PTPRO: variants seen among roughly 807,000 people sequenced by gnomAD.
PTPRO encodes the protein protein tyrosine phosphatase receptor type O.
A neutral mutation model predicts 145.2 loss-of-function variants in PTPRO; 62 were observed. That is an observed-to-expected ratio of 0.43 (90% confidence interval 0.35 to 0.53). PTPRO has a LOEUF of 0.53. Among genes scored for constraint, PTPRO ranks in the 20% least tolerant of loss-of-function variants. PTPRO has a pLI of 0.01. For synonymous variants in PTPRO, 565 were observed against 514.7 expected (o/e 1.10, Z -1.32); for missense variants, 1,345 against 1,482.7 (o/e 0.91, Z 1.53).
At chr12:15,544,506 CAAAA>C (rs61249816) in intron 12 of PTPRO, among the ~76,000 whole-genome samples, 1 of 73,236 alleles carries the variant, frequency 1.4e-5, no homozygotes. Flanking sequence ...GACTCCATCT[CAAAA>C]AAAAAAAAAA....
intron 1 of PTPRO, among the ~76,000 whole-genome samples, chr12:15,452,882 C>A (rs1419015810): frequency 6.6e-6 from 1 of 152,110 alleles, no homozygotes; most frequent in Non-Finnish European, 1.5e-5. Context: ...TCTTTTCTGA[C>A]TCTTTAATAG....
chr12:15,425,105 G>C (rs930873966), intron 1 of PTPRO, among the ~76,000 whole-genome samples: 1 of 152,090 alleles, frequency 6.6e-6, no homozygotes, highest in African/African-American at 2.4e-5. Context: ...TTGACTTGTA[G>C]AAGCTCTTTA....
chr12:15,446,928 C>A (rs980663485), intron 1 of PTPRO, among the ~76,000 whole-genome samples: 2 of 152,008 alleles, frequency 1.3e-5, no homozygotes, highest in Non-Finnish European at 2.9e-5. Flanking sequence ...GAAAGTAACA[C>A]CTGCAGAGAG....
chr12:15,424,282 A>T (rs951547645), intron 1 of PTPRO, among the ~76,000 whole-genome samples: 1 of 152,134 alleles, frequency 6.6e-6, no homozygotes, highest in Non-Finnish European at 1.5e-5. Flanking sequence ...CTGGAGTAAA[A>T]AGATGGAAAT....
At chr12:15,341,785 A>G (rs1020583902) in intron 1 of PTPRO, among the ~76,000 whole-genome samples, 1 of 152,216 alleles carries the variant, frequency 6.6e-6, no homozygotes, top group Non-Finnish European at 1.5e-5. Context: ...CTGATTAAAA[A>G]CAAAACAAAA....
chr12:15,518,428 C>A (rs962082947), intron 9 of PTPRO, among the ~76,000 whole-genome samples: 3 of 152,228 alleles, frequency 2.0e-5, no homozygotes, highest in African/African-American at 4.8e-5. Context: ...TCTGACTTGA[C>A]CTGGAGACAT....
At chr12:15,593,963 G>A (rs1411496585) in intron 25 of PTPRO, among the ~76,000 whole-genome samples, 2 of 152,100 alleles carry the variant, frequency 1.3e-5, no homozygotes, top group African/African-American at 2.4e-5. Context: ...TAAGTGCTAA[G>A]CATTAGGAAT....
At chr12:15,466,619 G>A (rs1183752859) in intron 1 of PTPRO, among the ~76,000 whole-genome samples, 1 of 152,026 alleles carries the variant, frequency 6.6e-6, no homozygotes, top group Non-Finnish European at 1.5e-5. Flanking sequence ...CTAAACTATG[G>A]CAAGCACCTT....
At chr12:15,426,916 A>C (rs1412024554) in intron 1 of PTPRO, among the ~76,000 whole-genome samples, 1 of 152,016 alleles carries the variant, frequency 6.6e-6, no homozygotes, top group African/African-American at 2.4e-5. Flanking sequence ...TATCATTATT[A>C]ATTATTTTTG....
intron 12 of PTPRO, among the ~76,000 whole-genome samples, chr12:15,534,871 C>T (rs1481484577): frequency 6.6e-6 from 1 of 152,080 alleles, no homozygotes; most frequent in Non-Finnish European, 1.5e-5. Context: ...GCTATTTGTG[C>T]CAGCTTTAAA....
intron 15 of PTPRO, among the ~76,000 whole-genome samples, chr12:15,556,199 G>A (rs1458420329): frequency 6.6e-6 from 1 of 151,976 alleles, no homozygotes; most frequent in Non-Finnish European, 1.5e-5. Flanking sequence ...CCCATATATA[G>A]GAAATTGACA....
intron 1 of PTPRO, among the ~76,000 whole-genome samples, chr12:15,412,501 T>C (rs1939827866): frequency 1.3e-5 from 2 of 152,222 alleles, no homozygotes; most frequent in East Asian, 1.9e-4. Flanking sequence ...AACCCTTAAT[T>C]AACATTTCTG....
At position 15,526,236 on chromosome 12, in the gene PTPRO, C is replaced by A. The variant is rs1339282769; in HGVS notation, c.2138C>A (p.Thr713Asn). 2 of 1,613,984 alleles carry A rather than the reference C, an allele frequency of 1.2e-6. No homozygotes were observed. The highest frequency in any genetic ancestry group is 1.7e-6 in the Non-Finnish European group (2 of 1,179,912). Residue 713 changes from threonine (T) to asparagine (N), a missense_variant, in exon 12 of 27, where the codon ACC (threonine) becomes AAC (asparagine). Thr to Asn is a moderately conservative substitution (Grantham distance 65). Around this residue, in one of 3 missense-constraint regions of PTPRO, gnomAD observed 1,130 missense variants for 1,214.7 expected, o/e 0.93. Transcript: ENST00000281171. ...VTACTERGSN[T>N]SMLRLVKLEP... is the part of the protein sequence containing the mutation. ...GCTTGTACTGAAAGAGGAAGTAATACCTCCATGCTCCGCCTTGTCAAGCTA... is the reference window on the plus strand; with the variant it reads ...GCTTGTACTGAAAGAGGAAGTAATAACTCCATGCTCCGCCTTGTCAAGCTA...
rs149131514 is a variant in PTPRO at position 15,412,745 on chromosome 12, A to T, written c.76-71229A>T. On this transcript the variant is annotated intron_variant, in intron 1 of 26. Transcript: ENST00000281171. ...AAAACACATTTAGTATTTATTTTTT[A>T]AAACATTCCAGTGTATAGAGGCTTT... Among the ~76,000 whole-genome samples, 54 of 152,348 alleles carry T rather than the reference A, an allele frequency of 3.5e-4. No individual in the cohort carries two copies. The East Asian group carries it at 8.3e-3, about 23-fold the overall frequency.
At chr12:15,490,846 G>A (rs139093464) in intron 2 of PTPRO, among the ~76,000 whole-genome samples, 1 of 152,206 alleles carries the variant, frequency 6.6e-6, no homozygotes, top group African/African-American at 2.4e-5. Flanking sequence ...GACTGGTTTA[G>A]GACAAAGATT....
At position 15,411,415 on chromosome 12, in the gene PTPRO, A is replaced by G. The variant is rs117194618; in HGVS notation, c.76-72559A>G. On this transcript the variant is annotated intron_variant, in intron 1 of 26. Transcript: ENST00000281171. Reference sequence around the variant, plus strand: ...TTCAGAAAGAGCAGTCCCATTTTTTACTTATTTAAAGAATCCACATTCTTT... The same window carrying G: ...TTCAGAAAGAGCAGTCCCATTTTTTGCTTATTTAAAGAATCCACATTCTTT... Among the ~76,000 whole-genome samples the G allele has an allele frequency of 5.3e-3, 805 of 152,312 alleles. 6 individuals carry two copies. Among genetic ancestry groups the G allele is most frequent in the Non-Finnish European group, 7.7e-3 (524 of 68,022 alleles).
rs761093877 is a variant in PTPRO at position 15,501,766 on chromosome 12, G to C, written c.808G>C (p.Glu270Gln). 3 of 1,614,046 alleles carry C rather than the reference G, an allele frequency of 1.9e-6. No individual in the cohort carries two copies. The highest frequency in any genetic ancestry group is 2.2e-5 in the South Asian group (2 of 91,074). ...GKEKLFHFTE[E>Q]TPEIPSGNIS... ...AGAAAAACTCTTCCATTTTACAGAA[G>C]AAACCCCTGAAATTCCCTCGGGCAA... The change falls in exon 5 of 27, where the codon GAA (glutamate) becomes CAA (glutamine). Residue 270 changes from glutamate (E) to glutamine (Q), a missense_variant. Glu to Gln is a conservative substitution (Grantham distance 29). Coordinates refer to ENST00000281171, the MANE Select transcript of PTPRO (RefSeq NM_030667.3).
At position 15,549,087 on chromosome 12, in the gene PTPRO, A is replaced by G. The variant is rs1439778912; in HGVS notation, c.2305-7A>G. 6.8e-6 allele frequency: 11 copies of G among 1,612,884 alleles called. No homozygotes were observed. The East Asian group carries it at 2.5e-4, about 36-fold the overall frequency. ...CCTAAAATTTACCTTATTTTCTGAA[A>G]CCCCAGGAACCAGTTGCTGTTTCTT... On this transcript the variant is annotated splice_region_variant and splice_polypyrimidine_tract_variant and intron_variant, in intron 13 of 26. Transcript: ENST00000281171.
In PTPRO at chr12:15,596,649, G is replaced by T. The variant is rs765282924; in HGVS notation, c.*576G>T. 1 of 152,280 alleles carries T rather than the reference G, an allele frequency of 6.6e-6. No individual in the cohort carries two copies. Among genetic ancestry groups the T allele is most frequent in the Non-Finnish European group, 1.5e-5 (1 of 68,038 alleles). The allele number at this position is 152,280 out of a possible 1,614,324, so 9.4% of individuals were successfully genotyped here. A position where few individuals can be genotyped will look rare whatever the true frequency, so the allele number is the denominator to read the frequency against. On this transcript the variant is annotated 3_prime_UTR_variant, in exon 27 of 27. Coordinates refer to ENST00000281171, the MANE Select transcript of PTPRO (RefSeq NM_030667.3). ...AACATTACCGGATCTGGATTGGGGAGGTTGGTCAGGGAAGAGAGGGGTTCT... is the reference window on the plus strand; with the variant it reads ...AACATTACCGGATCTGGATTGGGGATGTTGGTCAGGGAAGAGAGGGGTTCT...
Sources: gnomAD v4.1 joint callset for allele counts (sites outside exome capture counted in the v4.1 genomes callset) on GRCh38, gnomAD v4.1.1 for gene constraint, gnomAD v4.1.1 regional missense constraint, MANE v1.5 for transcripts, NCBI Gene and HGNC (gene_info 2026-07-23, HGNC 2026-07-21) for gene names.